SMURF1: variants seen among roughly 807,000 people sequenced by gnomAD.
SMURF1 encodes the protein E3 ubiquitin-protein ligase SMURF1.
A neutral mutation model predicts 98.0 loss-of-function variants in SMURF1; 44 were observed. That is an observed-to-expected ratio of 0.45 (90% CI 0.35 to 0.58). The LOEUF (loss-of-function observed/expected upper bound fraction) is 0.58. Among genes scored for constraint, SMURF1 ranks in the 20% least tolerant of loss-of-function variants. The pLI, the probability that SMURF1 is intolerant of heterozygous loss-of-function variation, is 0.00. For synonymous variants in SMURF1, 396 were observed against 374.9 expected, an observed-to-expected ratio of 1.06 and a Z score of -0.65; for missense variants, 687 against 938.4, an observed-to-expected ratio of 0.73 and a Z score of 3.50.
chr7:99,131,523 C>T (rs1250992161), intron 1 of SMURF1, among the ~76,000 whole-genome samples: 1 of 151,890 alleles, frequency 6.6e-6, no homozygotes, highest in East Asian at 1.9e-4. Context: ...ATGGGAGGAT[C>T]GCTTGAAGCC....
chr7:99,134,094 C>G (rs1421307790), intron 1 of SMURF1, among the ~76,000 whole-genome samples: 2 of 105,142 alleles, frequency 1.9e-5, no homozygotes, highest in African/African-American at 3.7e-5. Context: ...GCTTCTCCAC[C>G]CACTTTTTTT....
chr7:99,081,731 C>G (rs969428520), intron 1 of SMURF1, among the ~76,000 whole-genome samples: 1 of 152,208 alleles, frequency 6.6e-6, no homozygotes, highest in East Asian at 1.9e-4. Context: ...AGGCTCACTG[C>G]GATCTCTGCC....
chr7:99,089,642 T>TAAAACAAAACAAAAC (rs59262301), intron 1 of SMURF1, among the ~76,000 whole-genome samples: 1 of 151,754 alleles, frequency 6.6e-6, no homozygotes, highest in African/African-American at 2.4e-5. Context: ...CCCTGTCTCT[T>TAAAACAAAACAAAAC]AAAACAAAAC....
chr7:99,043,128 G>T (rs1236759500), intron 11 of SMURF1, among the ~76,000 whole-genome samples: 1 of 152,146 alleles, frequency 6.6e-6, no homozygotes, highest in Non-Finnish European at 1.5e-5. Flanking sequence ...GTCTAGACAG[G>T]AAGTGATTAA....
At chr7:99,129,551 C>G (rs1797824128) in intron 1 of SMURF1, among the ~76,000 whole-genome samples, 1 of 151,890 alleles carries the variant, frequency 6.6e-6, no homozygotes. Flanking sequence ...CCACTATGCC[C>G]AGCTAATTTT....
chr7:99,062,180 G>A (rs978750707), intron 1 of SMURF1, among the ~76,000 whole-genome samples: 12 of 99,572 alleles, frequency 1.2e-4, no homozygotes, highest in African/African-American at 2.4e-4. Context: ...TTGCAGCCTC[G>A]AACTCCTGGG....
At chr7:99,123,897 C>G (rs1005230670) in intron 1 of SMURF1, among the ~76,000 whole-genome samples, 7 of 152,194 alleles carry the variant, frequency 4.6e-5, no homozygotes, top group Non-Finnish European at 8.8e-5. Flanking sequence ...GCAAGTCAGC[C>G]CCTAACATGT....
intron 1 of SMURF1, among the ~76,000 whole-genome samples, chr7:99,062,041 T>TA (rs1421145940): frequency 2.0e-5 from 3 of 151,636 alleles, no homozygotes; most frequent in African/African-American, 7.3e-5. Context: ...CTATAACAAA[T>TA]ACAAAATGCT....
intron 1 of SMURF1, among the ~76,000 whole-genome samples, chr7:99,066,071 A>C (rs1001220215): frequency 3.3e-5 from 5 of 151,620 alleles, no homozygotes; most frequent in Non-Finnish European, 7.4e-5. Flanking sequence ...ACAAGCGAGA[A>C]GACTACATGT....
intron 1 of SMURF1, among the ~76,000 whole-genome samples, chr7:99,115,492 C>T (rs987627573): frequency 6.6e-6 from 1 of 152,044 alleles, no homozygotes; most frequent in South Asian, 2.1e-4. Context: ...ACTTGGGAGG[C>T]TGAGGTGCGG....
intron 1 of SMURF1, among the ~76,000 whole-genome samples, chr7:99,140,667 T>A (rs749924696): frequency 6.6e-6 from 1 of 152,198 alleles, no homozygotes; most frequent in Non-Finnish European, 1.5e-5. Flanking sequence ...GTGATCTGCC[T>A]CAGCCTCCCA....
chr7:99,044,299 G>A (rs1377631866), intron 11 of SMURF1, among the ~76,000 whole-genome samples: 1 of 151,922 alleles, frequency 6.6e-6, no homozygotes, highest in African/African-American at 2.4e-5. Context: ...GCCATAGAGT[G>A]AGATGCTGTC....
rs575206860 is a variant in SMURF1, at chr7:99,049,820, G to T, written c.807-111C>A. ...TCCTTATCAAGGTGTCTGTGTCCCA[G>T]CTCTGCTAAGATGGACCTTCGTGGT... On this transcript the variant is annotated intron_variant, in intron 8 of 17. Transcript: ENST00000361368. 16 of 1,074,902 alleles carry T rather than the reference G, an allele frequency of 1.5e-5. No homozygotes were observed. In the East Asian group the frequency reaches 3.9e-4, roughly 26 times the overall value. 66.6% of individuals were successfully genotyped at this position (1,074,902 alleles called of 1,614,324 possible).
intron 7 of SMURF1, 114 bp downstream of exon 7, chr7:99,052,091 T>C: frequency 1.4e-6 from 2 of 1,396,450 alleles, no homozygotes; most frequent in African/African-American, 1.5e-5. Flanking sequence ...GCCATGATCA[T>C]GCCACTGCAC....
At chr7:99,088,532 C>A (rs1796733361) in intron 1 of SMURF1, among the ~76,000 whole-genome samples, 1 of 151,608 alleles carries the variant, frequency 6.6e-6, no homozygotes, top group Admixed American at 6.6e-5. Flanking sequence ...AGATTTCAAA[C>A]TCACTAAAAG....
At position 99,033,028 on chromosome 7, in the gene SMURF1, G is replaced by A. The variant is rs185993620; in HGVS notation, c.2096+9C>T. 4.7e-5 allele frequency: 75 copies of A among 1,598,718 alleles called. No individual in the cohort carries two copies. The highest frequency in any genetic ancestry group is 2.0e-4 in the African/African-American group (15 of 74,786). On this transcript the variant is annotated intron_variant, in intron 17 of 17. Coordinates refer to ENST00000361368, the MANE Select transcript of SMURF1 (RefSeq NM_181349.3). ...CAGGACGCCGTGACTTCCTGGCCGC[G>A]GTGCTTACCAGGTATGGGCCTTCGG...
At chr7:99,122,208 A>G (rs371698109) in intron 1 of SMURF1, among the ~76,000 whole-genome samples, 1 of 151,880 alleles carries the variant, frequency 6.6e-6, no homozygotes. Flanking sequence ...CATGCCTGTG[A>G]TCCCAGTTAC....
intron 1 of SMURF1, among the ~76,000 whole-genome samples, chr7:99,110,133 G>A (rs1270931817): frequency 6.6e-6 from 1 of 152,102 alleles, no homozygotes; most frequent in Non-Finnish European, 1.5e-5. Context: ...AGATAACTGG[G>A]AACACAATTA....
intron 1 of SMURF1, among the ~76,000 whole-genome samples, chr7:99,088,918 A>C (rs770359533): frequency 1.7e-4 from 26 of 152,100 alleles, no homozygotes; most frequent in Non-Finnish European, 2.6e-4. Flanking sequence ...CACACACACA[A>C]AAAAAGGCTG....
Sources: allele counts gnomAD v4.1 joint callset (sites outside exome capture counted in the v4.1 genomes callset), GRCh38; gene constraint gnomAD v4.1.1; transcripts MANE v1.5; gene names NCBI Gene and HGNC (gene_info 2026-07-23, HGNC 2026-07-21).